NRG1: variants seen among roughly 807,000 people sequenced by gnomAD.
The protein encoded by NRG1 is neuregulin 1.
Under a neutral mutation model 63.8 loss-of-function variants are expected in NRG1, and 18 were observed. The ratio of observed to expected loss-of-function variants is 0.28; its 90% CI spans 0.19 to 0.42. NRG1 has a LOEUF of 0.42. NRG1 is among the 10% of genes least tolerant of loss of function. NRG1 has a pLI of 1.00. For missense variants in NRG1, 762 were observed against 814.7 expected, an observed-to-expected ratio of 0.94 and a Z score of 0.79; for synonymous variants, 302 against 301.3, an observed-to-expected ratio of 1.00 and a Z score of -0.02.
At chr8:32,655,176 T>C (rs1161211167) in intron 5 of NRG1, among the ~76,000 whole-genome samples, 1 of 152,188 alleles carries the variant, frequency 6.6e-6, no homozygotes, top group African/African-American at 2.4e-5. Flanking sequence ...GTTCTTTTTC[T>C]CCTTTGATCT....
At chr8:32,470,939 A>G (rs991119663) in intron 1 of NRG1, among the ~76,000 whole-genome samples, 3 of 152,114 alleles carry the variant, frequency 2.0e-5, no homozygotes, top group African/African-American at 7.2e-5. Context: ...CTGGGACTAT[A>G]GGCGCATGCC....
intron 1 of NRG1, among the ~76,000 whole-genome samples, chr8:32,201,142 C>CA (rs1260389672): frequency 6.6e-6 from 1 of 152,198 alleles, no homozygotes; most frequent in Non-Finnish European, 1.5e-5. Flanking sequence ...AGCTGCTGCT[C>CA]ATCCACCTTT....
At chr8:32,254,439 C>T (rs916938566) in intron 1 of NRG1, among the ~76,000 whole-genome samples, 1 of 152,118 alleles carries the variant, frequency 6.6e-6, no homozygotes, top group Non-Finnish European at 1.5e-5. Context: ...ATTATTTACC[C>T]AGTAGTCATT....
chr8:32,669,882 G>GA (rs1805177480), intron 5 of NRG1, among the ~76,000 whole-genome samples: 1 of 152,086 alleles, frequency 6.6e-6, no homozygotes, highest in South Asian at 2.1e-4. Flanking sequence ...TTGGACTAGT[G>GA]AAAATTACAA....
rs1021573488 is a variant in NRG1 at position 32,301,800 on chromosome 8, C to T, written c.38-294028C>T. Among the ~76,000 whole-genome samples, 7 of 152,268 alleles carry T rather than the reference C, an allele frequency of 4.6e-5. No homozygotes were observed. The South Asian group carries it at 6.2e-4, about 14-fold the overall frequency. On this transcript the variant is annotated intron_variant, in intron 1 of 10. Coordinates refer to the NRG1 transcript ENST00000519301. ...GCCTGCATAATTCCATCAGCTCCCA[C>T]GGGTTCCTCCCACAACACGTAAGAA...
chr8:31,747,796 A>T lies in NRG1; in HGVS notation c.37+108365A>T, dbSNP rs188922546. Among the ~76,000 whole-genome samples, 578 of 152,060 alleles carry T rather than the reference A, an allele frequency of 3.8e-3. 1 individual carries two copies. The highest frequency in any genetic ancestry group is 0.019 in the South Asian group (92 of 4,828). On this transcript the variant is annotated intron_variant, in intron 1 of 10. Transcript: ENST00000519301. ...GAATCTAGGAATATGACTTGTTTCA[A>T]ATCCACATGTCATCTTGAAATGAGC...
At chr8:32,263,068 C>G (rs1032286447) in intron 1 of NRG1, among the ~76,000 whole-genome samples, 3 of 152,180 alleles carry the variant, frequency 2.0e-5, no homozygotes, top group African/African-American at 7.2e-5. Flanking sequence ...AAATCTTTAT[C>G]TGATCTGTTC....
At chr8:32,491,631 G>A (rs1258818044) in intron 1 of NRG1, among the ~76,000 whole-genome samples, 1 of 151,524 alleles carries the variant, frequency 6.6e-6, no homozygotes, top group Non-Finnish European at 1.5e-5. Context: ...GGCTCCCCAG[G>A]CTCTAGCCAT....
intron 1 of NRG1, among the ~76,000 whole-genome samples, chr8:31,648,144 T>TTTTTTTTTTTC (rs1804472017): frequency 7.2e-6 from 1 of 138,036 alleles, no homozygotes; most frequent in African/African-American, 2.8e-5. Context: ...TTTTTTTTTT[T>TTTTTTTTTTTC]TTTTTTTGAG....
At chr8:32,077,684 G>A (rs1313383898) in intron 1 of NRG1, among the ~76,000 whole-genome samples, 1 of 152,200 alleles carries the variant, frequency 6.6e-6, no homozygotes, top group East Asian at 1.9e-4. Context: ...TTTACACTGA[G>A]TTTGAAACTT....
chr8:32,438,264 AGT>A (rs1466302995), intron 1 of NRG1, among the ~76,000 whole-genome samples: 19 of 152,188 alleles, frequency 1.2e-4, no homozygotes, highest in African/African-American at 4.6e-4. Context: ...GGAACCATAG[AGT>A]ATATAACTTT....
At chr8:32,437,273 A>G (rs1818912129) in intron 1 of NRG1, among the ~76,000 whole-genome samples, 1 of 151,942 alleles carries the variant, frequency 6.6e-6, no homozygotes, top group African/African-American at 2.4e-5. Context: ...CTCTGAACTC[A>G]GTGTCACTCC....
chr8:32,216,203 A>G (rs897733568), intron 1 of NRG1, among the ~76,000 whole-genome samples: 4 of 150,340 alleles, frequency 2.7e-5, no homozygotes, highest in Non-Finnish European at 5.9e-5. Flanking sequence ...TTATTATAAC[A>G]TATTATATAT....
At chr8:32,326,738 T>A (rs1802074075) in intron 1 of NRG1, among the ~76,000 whole-genome samples, 1 of 152,218 alleles carries the variant, frequency 6.6e-6, no homozygotes, top group Non-Finnish European at 1.5e-5. Context: ...ACTGAATTTT[T>A]AAAAAAATTA....
At chr8:31,965,757 T>A (rs1160901745) in intron 1 of NRG1, among the ~76,000 whole-genome samples, 1 of 152,228 alleles carries the variant, frequency 6.6e-6, no homozygotes, top group Non-Finnish European at 1.5e-5. Context: ...ATAAGAGGTA[T>A]CTCATGTGGC....
intron 1 of NRG1, among the ~76,000 whole-genome samples, chr8:32,006,059 A>C (rs1211317630): frequency 6.6e-6 from 1 of 151,902 alleles, no homozygotes; most frequent in African/African-American, 2.4e-5. Flanking sequence ...AAACATAGGG[A>C]GTTTCGAGGC....
At chr8:31,982,236 T>G (rs1323461802) in intron 1 of NRG1, among the ~76,000 whole-genome samples, 1 of 152,058 alleles carries the variant, frequency 6.6e-6, no homozygotes, top group East Asian at 1.9e-4. Context: ...AAAAGATCAT[T>G]CTTGCTATGG....
intron 1 of NRG1, among the ~76,000 whole-genome samples, chr8:32,075,954 T>A (rs1007462529): frequency 6.6e-6 from 1 of 152,360 alleles, no homozygotes; most frequent in East Asian, 1.9e-4. Flanking sequence ...ATTACAGGCA[T>A]GAACCACCGC....
At chr8:32,745,945 A>G (rs904094986) in intron 7 of NRG1, among the ~76,000 whole-genome samples, 2 of 152,236 alleles carry the variant, frequency 1.3e-5, no homozygotes, top group African/African-American at 4.8e-5. Flanking sequence ...CCTTAAAAGT[A>G]GTTTTGAATC....
Sources: allele counts gnomAD v4.1 joint callset (sites outside exome capture counted in the v4.1 genomes callset), GRCh38; gene constraint gnomAD v4.1.1; transcripts MANE v1.5; gene names NCBI Gene and HGNC (gene_info 2026-07-23, HGNC 2026-07-21).